RRM1: variants seen among roughly 807,000 people sequenced by gnomAD.
The protein encoded by RRM1 is ribonucleoside-diphosphate reductase large subunit.
Under a neutral mutation model 101.5 loss-of-function variants are expected in RRM1, and 19 were observed. The ratio of observed to expected loss-of-function variants is 0.19; its 90% CI spans 0.13 to 0.27. RRM1 has a LOEUF of 0.27. Ranked by LOEUF, RRM1 falls within the 10% of genes least tolerant of loss-of-function variation. The pLI is 1.00. For synonymous variants in RRM1, 298 were observed against 323.4 expected (o/e 0.92, Z 0.84); for missense variants, 500 against 962.9 (o/e 0.52, Z 6.36).
At chr11:4,125,018 G>A (rs993073256) in intron 12 of RRM1, among the ~76,000 whole-genome samples, 3 of 151,062 alleles carry the variant, frequency 2.0e-5, no homozygotes, top group African/African-American at 7.3e-5. Context: ...GGATTCAAGC[G>A]ATTCTCCTGC....
intron 7 of RRM1, among the ~76,000 whole-genome samples, chr11:4,113,494 A>G (rs1285670299): frequency 2.0e-5 from 3 of 152,266 alleles, no homozygotes; most frequent in Admixed American, 6.5e-5. Context: ...TCAGCAAAAT[A>G]TCTGGATATA....
At chr11:4,106,709 C>T (rs1021885418) in intron 3 of RRM1, among the ~76,000 whole-genome samples, 1 of 151,996 alleles carries the variant, frequency 6.6e-6, no homozygotes, top group Non-Finnish European at 1.5e-5. Flanking sequence ...GACTGTGCCA[C>T]TGCACTCCTG....
intron 4 of RRM1, 136 bp downstream of exon 4, chr11:4,107,671 CT>C: frequency 1.6e-6 from 1 of 608,466 alleles, no homozygotes; most frequent in South Asian, 2.1e-5. Context: ...TGATTTTCCT[CT>C]CTAGAAACAA....
chr11:4,101,144 G>T (rs866186463), intron 1 of RRM1, among the ~76,000 whole-genome samples: 2 of 152,058 alleles, frequency 1.3e-5, no homozygotes, highest in Non-Finnish European at 2.9e-5. Context: ...AATTTAAAAT[G>T]GAATCATCAG....
At chr11:4,107,392 T>C in intron 3 of RRM1, 43 bp from the exon 4 acceptor site, 2 of 1,284,516 alleles carry the variant, frequency 1.6e-6, no homozygotes, top group Non-Finnish European at 2.3e-6. Context: ...AATTAGCTGT[T>C]AAGTGGTCTT....
At chr11:4,129,798 G>A (rs2094596002) in intron 15 of RRM1, among the ~76,000 whole-genome samples, 1 of 151,816 alleles carries the variant, frequency 6.6e-6, no homozygotes, top group South Asian at 2.1e-4. Context: ...GAATGAAGCA[G>A]TAGCTTTAAA....
At chr11:4,125,377 C>A (rs1188562454) in intron 12 of RRM1, among the ~76,000 whole-genome samples, 1 of 152,140 alleles carries the variant, frequency 6.6e-6, no homozygotes, top group African/African-American at 2.4e-5. Context: ...TAATATGTGG[C>A]CTTTTGTGTC....
rs926028706 is a variant in RRM1 at position 4,094,849 on chromosome 11, C to T, written c.-164C>T. 2.9e-6 allele frequency: 2 copies of T among 682,406 alleles called. No homozygotes were observed. The highest frequency in any genetic ancestry group is 5.1e-6 in the Non-Finnish European group (2 of 392,368). 42.3% of individuals were successfully genotyped at this position (682,406 alleles called of 1,614,324 possible). On this transcript the variant is annotated 5_prime_UTR_variant, in exon 1 of 19. Coordinates refer to ENST00000300738, the MANE Select transcript of RRM1 (RefSeq NM_001033.5). ...CGCGGGAAGGGGATTTGGATTGTTG[C>T]GCCTCTGCTCTGAAGAAAGTGCTGT...
intron 2 of RRM1, among the ~76,000 whole-genome samples, chr11:4,104,389 T>C (rs2094555744): frequency 6.6e-6 from 1 of 152,194 alleles, no homozygotes; most frequent in Non-Finnish European, 1.5e-5. Flanking sequence ...ATTGTTCAGC[T>C]GGGAAACACA....
intron 1 of RRM1, among the ~76,000 whole-genome samples, chr11:4,095,700 AC>A (rs1323064864): frequency 2.0e-5 from 3 of 152,172 alleles, no homozygotes; most frequent in Non-Finnish European, 4.4e-5. Context: ...CAAGATGGGG[AC>A]TGGGAAGAGT....
intron 2 of RRM1, among the ~76,000 whole-genome samples, chr11:4,103,734 T>G (rs758337315): frequency 6.0e-5 from 9 of 151,020 alleles, no homozygotes; most frequent in Non-Finnish European, 1.0e-4. Flanking sequence ...ATGATTCTTG[T>G]GCCTCAGCCT....
chr11:4,135,794 G>T (rs1356995266), intron 18 of RRM1, among the ~76,000 whole-genome samples: 1 of 151,592 alleles, frequency 6.6e-6, no homozygotes, highest in Non-Finnish European at 1.5e-5. Context: ...GGTGATTTTG[G>T]ATTATGTTCT....
intron 17 of RRM1, 106 bp downstream of exon 17, chr11:4,133,764 A>G (rs2094604391): frequency 1.5e-6 from 1 of 647,864 alleles, no homozygotes. Context: ...GTGTTCATCT[A>G]GGTTTTGCTT....
intron 7 of RRM1, among the ~76,000 whole-genome samples, chr11:4,116,958 C>G (rs2094574414): frequency 6.7e-6 from 1 of 150,078 alleles, no homozygotes; most frequent in South Asian, 2.1e-4. Context: ...CAGAGTTAAA[C>G]CCTGTCTCAA....
intron 13 of RRM1, 93 bp downstream of exon 13, chr11:4,126,926 C>T (rs2094590674): frequency 7.0e-7 from 1 of 1,422,632 alleles, no homozygotes; most frequent in Non-Finnish European, 9.7e-7. Flanking sequence ...AAATGGTTAT[C>T]AATAAAATGG....
At chr11:4,098,131 A>G (rs975544599) in intron 1 of RRM1, among the ~76,000 whole-genome samples, 6 of 152,384 alleles carry the variant, frequency 3.9e-5, no homozygotes, top group East Asian at 3.9e-4. Flanking sequence ...TGTAACTCAC[A>G]GTAAAAAACA....
At chr11:4,108,219 G>T (rs917429028) in intron 4 of RRM1, among the ~76,000 whole-genome samples, 1 of 152,182 alleles carries the variant, frequency 6.6e-6, no homozygotes, top group Admixed American at 6.5e-5. Context: ...GAAGGGAAAA[G>T]ATGTAGCCTA....
At position 4,102,061 on chromosome 11, in the gene RRM1, A is replaced by G. The variant is rs756256524; in HGVS notation, c.88A>G (p.Asn30Asp). The G allele has an allele frequency of 6.3e-7, 1 of 1,583,492 alleles. No homozygotes were observed. Among genetic ancestry groups the G allele is most frequent in the East Asian group, 2.2e-5 (1 of 44,660 alleles). The change falls in exon 2 of 19, where the codon AAT (asparagine) becomes GAT (aspartate). Residue 30 changes from asparagine (N) to aspartate (D), a missense_variant. Coordinates refer to ENST00000300738, the MANE Select transcript of RRM1 (RefSeq NM_001033.5). The stretch of plus-strand genomic sequence containing the variant: ...AATCCAGAAGCTTTGTTATGGACTC[A>G]ATATGGATTTTGTTGATCCTGTAAG... The part of the protein sequence containing the change: ...SRIQKLCYGL[N>D]MDFVDPAQIT...
intron 7 of RRM1, 102 bp downstream of exon 7, chr11:4,112,164 C>T: frequency 5.0e-6 from 4 of 807,150 alleles, no homozygotes; most frequent in Non-Finnish European, 7.8e-6. Context: ...GCTGCCTGCT[C>T]TGATTAAATG....
Sources: gnomAD v4.1 joint callset for allele counts (sites outside exome capture counted in the v4.1 genomes callset) on GRCh38, gnomAD v4.1.1 for gene constraint, MANE v1.5 for transcripts, NCBI Gene and HGNC (gene_info 2026-07-23, HGNC 2026-07-21) for gene names.